The following PRKG1 variants were observed in gnomAD, a reference collection of about 807,000 sequenced individuals.
PRKG1 encodes protein kinase cGMP-dependent 1.
PRKG1 carries 35 observed loss-of-function variants against 88.1 expected under a neutral mutation model. The ratio of observed to expected loss-of-function variants is 0.40; its 90% CI spans 0.30 to 0.53. PRKG1 has a LOEUF of 0.53. PRKG1 is among the 20% of genes least tolerant of loss of function. The pLI, the probability that PRKG1 is intolerant of heterozygous loss-of-function variation, is 0.59. For missense variants in PRKG1, 540 were observed against 839.8 expected, an observed-to-expected ratio of 0.64 and a Z score of 4.41; for synonymous variants, 303 against 292.5, an observed-to-expected ratio of 1.04 and a Z score of -0.37.
chr10:51,560,832 A>G (rs1191908397), intron 3 of PRKG1, among the ~76,000 whole-genome samples: 1 of 152,160 alleles, frequency 6.6e-6, no homozygotes, highest in African/African-American at 2.4e-5. Flanking sequence ...ATAGAAATGT[A>G]TAACAAATAT....
chr10:51,995,925 C>A (rs1474003237), intron 5 of PRKG1, among the ~76,000 whole-genome samples: 2 of 151,994 alleles, frequency 1.3e-5, no homozygotes, highest in Non-Finnish European at 2.9e-5. Context: ...TTGGATATGA[C>A]CCCAAAAGCA....
intron 1 of PRKG1, among the ~76,000 whole-genome samples, chr10:51,044,609 G>A (rs866819230): frequency 3.3e-5 from 5 of 151,906 alleles, no homozygotes; most frequent in Admixed American, 6.6e-5. Flanking sequence ...AGGGCAGGAG[G>A]GCTTTATTCT....
intron 5 of PRKG1, among the ~76,000 whole-genome samples, chr10:51,970,463 A>G (rs544645523): frequency 5.7e-4 from 86 of 151,618 alleles, no homozygotes; most frequent in Middle Eastern, 3.4e-3. Context: ...TGATGCAATC[A>G]CTTTTAAAAC....
intron 4 of PRKG1, among the ~76,000 whole-genome samples, chr10:51,840,842 G>A (rs929512620): frequency 2.0e-4 from 30 of 151,974 alleles, no homozygotes; most frequent in Middle Eastern, 3.2e-3. Context: ...CACAACACCC[G>A]TCCCTGAACC....
chr10:51,715,684 G>A (rs1841867865), intron 3 of PRKG1, among the ~76,000 whole-genome samples: 1 of 152,116 alleles, frequency 6.6e-6, no homozygotes, highest in Non-Finnish European at 1.5e-5. Flanking sequence ...ACATAAAGGG[G>A]ACATATTGCC....
At chr10:52,150,601 A>G (rs1837886392) in intron 8 of PRKG1, among the ~76,000 whole-genome samples, 1 of 152,202 alleles carries the variant, frequency 6.6e-6, no homozygotes, top group Admixed American at 6.6e-5. Flanking sequence ...TGGGAAAAGT[A>G]TGTATTTCCC....
intron 3 of PRKG1, among the ~76,000 whole-genome samples, chr10:51,638,032 C>A (rs1467897146): frequency 6.6e-6 from 1 of 152,120 alleles, no homozygotes; most frequent in Non-Finnish European, 1.5e-5. Context: ...GACGAGAGAT[C>A]CCCAATTTGC....
rs116455475 is a variant in PRKG1, at chr10:51,023,743, T to A, written c.266+32099T>A. ...CTGCTTTTCACAGTTCAATTCCATT[T>A]GAATTTAAGCCAGTTTTCCTCTGGG... On this transcript the variant is annotated intron_variant, in intron 1 of 17. Coordinates refer to the PRKG1 transcript ENST00000401604. Among the ~76,000 whole-genome samples, 1,274 of 152,340 alleles carry A rather than the reference T, an allele frequency of 8.4e-3. 9 individuals carry two copies. The highest frequency in any genetic ancestry group is 0.022 in the African/African-American group (902 of 41,590).
intron 3 of PRKG1, among the ~76,000 whole-genome samples, chr10:51,602,648 C>A (rs911292950): frequency 6.6e-6 from 1 of 151,424 alleles, no homozygotes; most frequent in African/African-American, 2.4e-5. Flanking sequence ...CTCCTGGGCT[C>A]AAGTGATCCT....
rs183905156 is a variant in PRKG1, at chr10:51,923,468, A to G, written c.762+15898A>G. ...TATGCTAATTTGTGATTATTTTACT[A>G]TATATTATATACATTTATAATATTG... On this transcript the variant is annotated intron_variant, in intron 5 of 17. Transcript: ENST00000373980. 5.3e-3 allele frequency among the ~76,000 whole-genome samples: 792 copies of G among 150,504 alleles called. 8 individuals carry two copies. The highest frequency in any genetic ancestry group is 0.018 in the African/African-American group (756 of 41,232).
chr10:51,361,465 C>A (rs1842479159), intron 2 of PRKG1, among the ~76,000 whole-genome samples: 5 of 151,874 alleles, frequency 3.3e-5, no homozygotes, highest in Admixed American at 2.0e-4. Context: ...AGAATTGCTC[C>A]AGCCTCTGAG....
At chr10:51,997,061 A>G (rs1317232171) in intron 5 of PRKG1, among the ~76,000 whole-genome samples, 3 of 139,634 alleles carry the variant, frequency 2.1e-5, no homozygotes, top group Non-Finnish European at 3.1e-5. Flanking sequence ...TGGAACCTAA[A>G]AGAGTTGATC....
At chr10:51,348,196 G>A (rs965614718) in intron 2 of PRKG1, among the ~76,000 whole-genome samples, 1 of 151,854 alleles carries the variant, frequency 6.6e-6, no homozygotes, top group Non-Finnish European at 1.5e-5. Flanking sequence ...TACACCAAAG[G>A]CCACTTAAGT....
At chr10:51,319,091 C>T (rs569045243) in intron 2 of PRKG1, among the ~76,000 whole-genome samples, 13 of 152,312 alleles carry the variant, frequency 8.5e-5, no homozygotes, top group African/African-American at 2.9e-4. Context: ...TTACACATTC[C>T]TGTGAATTCT....
In PRKG1 at chr10:50,991,261, G is replaced by T; in HGVS notation, c.-118G>T. The T allele has an allele frequency of 1.4e-6, 2 of 1,395,538 alleles. No individual in the cohort carries two copies. Among genetic ancestry groups the T allele is most frequent in the Non-Finnish European group, 1.9e-6 (2 of 1,059,082 alleles). The allele number at this position is 1,395,538 out of a possible 1,614,324, so 86.4% of individuals were successfully genotyped here. A position where few individuals can be genotyped will look rare whatever the true frequency, so the allele number is the denominator to read the frequency against. ...GCACTCCGCCGCGCTCGAGTACTTA[G>T]CGCCCATTCACTCGCTCACCCGCGC... is the stretch of plus-strand genomic sequence containing the variant. On this transcript the variant is annotated 5_prime_UTR_variant, in exon 1 of 18. Transcript: ENST00000401604. This position sits in a 1 kb window ranked among gnomAD's most constrained non-coding sequence, Gnocchi z 4.5.
chr10:51,507,051 A>G (rs902211150), intron 3 of PRKG1, among the ~76,000 whole-genome samples: 2 of 151,632 alleles, frequency 1.3e-5, no homozygotes, highest in Non-Finnish European at 2.9e-5. Flanking sequence ...TAGTGCAAGG[A>G]CAAAACACCA....
At chr10:51,621,011 A>G (rs867126743) in intron 3 of PRKG1, among the ~76,000 whole-genome samples, 67 of 122,710 alleles carry the variant, frequency 5.5e-4, no homozygotes, top group Non-Finnish European at 9.9e-4. Flanking sequence ...ATATGTGTGT[A>G]TATATATATA....
Position 51,768,888 on chromosome 10 carries a change from AATG to A in PRKG1, c.593-35693_593-35691del, listed in dbSNP as rs572092518. On this transcript the variant is annotated intron_variant, in intron 3 of 17. Coordinates refer to ENST00000373980, the MANE Select transcript of PRKG1 (RefSeq NM_006258.4). The stretch of plus-strand genomic sequence containing the variant: ...AATTATTAAGTCTCATAAATAAAAA[AATG>A]ATGTAACCCACCCTGACTATTAATA... Among the ~76,000 whole-genome samples, 194 of 152,324 alleles carry A rather than the reference AATG, an allele frequency of 1.3e-3. 1 individual carries two copies. Among genetic ancestry groups the A allele is most frequent in the African/African-American group, 4.0e-3 (168 of 41,578 alleles).
chr10:51,163,013 A>T (rs9414837), intron 2 of PRKG1, among the ~76,000 whole-genome samples: 1 of 152,078 alleles, frequency 6.6e-6, no homozygotes, highest in Admixed American at 6.5e-5. Flanking sequence ...TCCACCAAGC[A>T]GACCTGCAAA....
Sources: allele counts gnomAD v4.1 joint callset (sites outside exome capture counted in the v4.1 genomes callset), GRCh38; gene constraint gnomAD v4.1.1; non-coding constraint Gnocchi (gnomAD v3.1); transcripts MANE v1.5; gene names NCBI Gene and HGNC (gene_info 2026-07-23, HGNC 2026-07-21).